Variants in CD276 observed in about 807,000 individuals in gnomAD.
CD276 encodes CD276 molecule.
In CD276, 34 loss-of-function variants were observed where a neutral mutation model predicts 50.0. The observed-to-expected ratio is 0.68, with a 90% CI of 0.52 to 0.91. The LOEUF is 0.91. Ranked by LOEUF, CD276 falls within the 40% of genes least tolerant of loss-of-function variation. CD276 has a pLI of 0.00. For missense variants in CD276, 634 were observed against 717.5 expected, an observed-to-expected ratio of 0.88 and a Z score of 1.33; for synonymous variants, 275 against 313.0, an observed-to-expected ratio of 0.88 and a Z score of 1.28.
intron 9 of CD276, chr15:73,711,787 C>A (rs1349464093): frequency 1.3e-5 from 2 of 152,850 alleles, no homozygotes; most frequent in East Asian, 3.8e-4. Context: ...TTTGGAAATA[C>A]AGGAGATAGG....
chr15:73,706,140 C>G (rs1327734577), intron 6 of CD276, among the ~76,000 whole-genome samples: 1 of 152,168 alleles, frequency 6.6e-6, no homozygotes, highest in Non-Finnish European at 1.5e-5. Flanking sequence ...GTCCCAGCTA[C>G]TTGGGAGGCT....
At chr15:73,712,677 T>G (rs1189820748) in intron 9 of CD276, among the ~76,000 whole-genome samples, 1 of 152,064 alleles carries the variant, frequency 6.6e-6, no homozygotes, top group Non-Finnish European at 1.5e-5. Context: ...TATCGGGCTG[T>G]GGGCCTGTGG....
chr15:73,695,515 C>A (rs1307535056), intron 1 of CD276, among the ~76,000 whole-genome samples: 1 of 152,114 alleles, frequency 6.6e-6, no homozygotes, highest in African/African-American at 2.4e-5. Context: ...ACTGCATGTC[C>A]CCCTTCCCTA....
At chr15:73,707,424 T>C (rs946881882) in intron 6 of CD276, among the ~76,000 whole-genome samples, 2 of 152,172 alleles carry the variant, frequency 1.3e-5, no homozygotes, top group Non-Finnish European at 2.9e-5. Context: ...TCATCCCTCT[T>C]GACGTGACAG....
chr15:73,709,596 G>A (rs1900807922), intron 7 of CD276, 52 bp from the exon 8 acceptor site: 4 of 1,597,208 alleles, frequency 2.5e-6, no homozygotes, highest in Non-Finnish European at 3.4e-6. Context: ...GTGCTGGCAT[G>A]AAAATGGGCT....
In CD276 at chr15:73,713,923, C is replaced by G. The variant is rs561502193; in HGVS notation, c.*967C>G. On this transcript the variant is annotated 3_prime_UTR_variant, in exon 10 of 10. Transcript: ENST00000318443. ...GCGTGGGAAGATAAAGTTCCTCCCT[C>G]AAGGACTCCCCATCCAGCTGGGAGA... The G allele has an allele frequency of 2.3e-3, 880 of 380,348 alleles. 5 individuals are homozygous for G. Among genetic ancestry groups the G allele is most frequent in the Non-Finnish European group, 3.7e-3 (733 of 199,726 alleles). 23.6% of individuals were successfully genotyped at this position (380,348 alleles called of 1,614,324 possible). A position where few individuals can be genotyped will look rare whatever the true frequency, so the allele number is the denominator to read the frequency against.
intron 2 of CD276, among the ~76,000 whole-genome samples, chr15:73,701,243 C>A (rs1157938803): frequency 6.6e-6 from 1 of 152,022 alleles, no homozygotes; most frequent in Non-Finnish European, 1.5e-5. Flanking sequence ...TCCCTCTCTT[C>A]TTCTCTACTA....
chr15:73,710,551 C>T (rs1900854175), intron 8 of CD276, among the ~76,000 whole-genome samples: 1 of 152,206 alleles, frequency 6.6e-6, no homozygotes, highest in African/African-American at 2.4e-5. Context: ...ATGCCAGTTC[C>T]CTCCCCACCC....
At chr15:73,699,307 G>C (rs576573532) in intron 1 of CD276, among the ~76,000 whole-genome samples, 1 of 152,134 alleles carries the variant, frequency 6.6e-6, no homozygotes, top group Non-Finnish European at 1.5e-5. Context: ...TTCACTTGCC[G>C]CCTTGCCTCC....
chr15:73,711,083 C>T, intron 8 of CD276, 52 bp from the exon 9 acceptor site: 2 of 1,605,664 alleles, frequency 1.2e-6, no homozygotes, highest in Non-Finnish European at 1.7e-6. Context: ...CTCCCTACCC[C>T]ACCACTTCCC....
chr15:73,709,660 A>G lies in CD276; in HGVS notation c.1517A>G (p.Gln506Arg). 3 of 1,612,938 alleles carry G rather than the reference A, an allele frequency of 1.9e-6. No homozygotes were observed. The highest frequency in any genetic ancestry group is 1.7e-6 in the Non-Finnish European group (2 of 1,179,626). Residue 506 changes from glutamine (Q) to arginine (R), a missense_variant, in exon 8 of 10, where the codon CAG becomes CGG. Physicochemically the swap from Gln to Arg is conservative, Grantham distance 43 (BLOSUM62 1). Transcript: ENST00000318443. ...CEEENAGAED[Q>R]DGEGEGSKTA... is the part of the protein sequence containing the mutation. ...CTTGCCTTTGCAGGAGCTGAGGACC[A>G]GGATGGGGAGGGAGAAGGCTCCAAG...
At position 73,687,172 on chromosome 15, in the gene CD276, C is replaced by A. The variant is rs1899804685; in HGVS notation, c.-55+2712C>A. 6.6e-6 allele frequency among the ~76,000 whole-genome samples: 1 copy of A among 152,210 alleles called. No individual in the cohort carries two copies. Among genetic ancestry groups the A allele is most frequent in the Non-Finnish European group, 1.5e-5 (1 of 68,042 alleles). ...CAACCCTTGCCTGCCACCCCCAGTT[C>A]TACCGCCCTTGCAGTGTGCCAGATA... On this transcript the variant is annotated intron_variant, in intron 1 of 9. Coordinates refer to ENST00000318443, the MANE Select transcript of CD276 (RefSeq NM_001024736.2). This position sits in a 1 kb window ranked among gnomAD's most constrained non-coding sequence, Gnocchi z 4.0.
chr15:73,702,182 G>T, intron 2 of CD276, 73 bp from the exon 3 acceptor site: 6 of 1,234,318 alleles, frequency 4.9e-6, no homozygotes, highest in Non-Finnish European at 5.5e-6. Flanking sequence ...GTTAGCAGGG[G>T]CAGGGAGCGG....
intron 1 of CD276, among the ~76,000 whole-genome samples, chr15:73,688,571 A>C (rs1899856735): frequency 6.6e-6 from 1 of 152,210 alleles, no homozygotes; most frequent in African/African-American, 2.4e-5. Flanking sequence ...GATTCCATTC[A>C]ATAAGTGAGG....
intron 2 of CD276, among the ~76,000 whole-genome samples, chr15:73,701,225 G>T (rs971389543): frequency 4.0e-5 from 6 of 151,706 alleles, no homozygotes; most frequent in Non-Finnish European, 7.4e-5. Context: ...AATAAACCTT[G>T]AATCTGATCC....
At chr15:73,712,835 T>G in intron 9 of CD276, 99 bp from the exon 10 acceptor site, 1 of 1,260,742 alleles carries the variant, frequency 7.9e-7, no homozygotes, top group Non-Finnish European at 1.1e-6. Flanking sequence ...ACTTGAAGTC[T>G]GACCAGGTGC....
intron 7 of CD276, 138 bp from the exon 8 acceptor site, chr15:73,709,510 C>A: frequency 1.3e-6 from 1 of 799,362 alleles, no homozygotes; most frequent in Non-Finnish European, 2.1e-6. Flanking sequence ...GGCTCTAACC[C>A]GTGTCTAGCA....
chr15:73,703,112 G>T lies in CD276; in HGVS notation c.733+26G>T, dbSNP rs763865700. ...GTTGCTTTGCTTAAATGTCCCCTTG[G>T]GGGAGGGGGGTTCTGCTTCTGTCGG... is the stretch of plus-strand genomic sequence containing the variant. On this transcript the variant is annotated intron_variant, in intron 4 of 9. Coordinates refer to ENST00000318443, the MANE Select transcript of CD276 (RefSeq NM_001024736.2). 3.9e-6 allele frequency: 6 copies of T among 1,547,050 alleles called. No homozygotes were observed. In the Admixed American group the frequency reaches 5.8e-5, roughly 15 times the overall value.
intron 6 of CD276, among the ~76,000 whole-genome samples, chr15:73,708,092 C>A (rs932673597): frequency 6.6e-6 from 1 of 152,218 alleles, no homozygotes; most frequent in African/African-American, 2.4e-5. Context: ...ATAGAAGGTA[C>A]TTGAGCATCA....
Sources: allele counts gnomAD v4.1 joint callset (sites outside exome capture counted in the v4.1 genomes callset), GRCh38; gene constraint gnomAD v4.1.1; non-coding constraint Gnocchi (gnomAD v3.1); transcripts MANE v1.5; gene names NCBI Gene and HGNC (gene_info 2026-07-23, HGNC 2026-07-21).